CADPS: variants seen among roughly 807,000 people sequenced by gnomAD.
The protein encoded by CADPS is calcium-dependent secretion activator 1.
A neutral mutation model predicts 167.3 loss-of-function variants in CADPS; 57 were observed. That is an observed-to-expected ratio of 0.34 (90% confidence interval 0.28 to 0.42). CADPS has a LOEUF of 0.42. Ranked by LOEUF, CADPS falls within the 20% of genes least tolerant of loss-of-function variation. The pLI, the probability that CADPS is intolerant of heterozygous loss-of-function variation, is 1.00. For missense variants in CADPS, 1,414 were observed against 1,738.1 expected (o/e 0.81, Z 3.32); for synonymous variants, 676 against 635.3 (o/e 1.06, Z -0.96).
intron 6 of CADPS, among the ~76,000 whole-genome samples, chr3:62,620,792 C>T (rs527454538): frequency 1.3e-5 from 2 of 152,160 alleles, no homozygotes; most frequent in Non-Finnish European, 2.9e-5. Context: ...TTAGAGCTGG[C>T]CTCCACCACC....
chr3:62,501,755 A>G (rs1330316295), intron 17 of CADPS, among the ~76,000 whole-genome samples: 1 of 152,248 alleles, frequency 6.6e-6, no homozygotes, highest in Non-Finnish European at 1.5e-5. Context: ...AAAAAAGTCA[A>G]TAATTTTTAT....
At chr3:62,830,074 A>G (rs180691422) in intron 1 of CADPS, among the ~76,000 whole-genome samples, 3 of 152,270 alleles carry the variant, frequency 2.0e-5, no homozygotes, top group African/African-American at 4.8e-5. Context: ...TGCCCATGCC[A>G]TCCTGTGCTT....
chr3:62,714,269 A>C (rs564787706), intron 3 of CADPS, among the ~76,000 whole-genome samples: 8 of 152,344 alleles, frequency 5.3e-5, no homozygotes, highest in African/African-American at 1.9e-4. Context: ...CATTTTCATA[A>C]TAAAGGAATT....
intron 8 of CADPS, among the ~76,000 whole-genome samples, chr3:62,575,544 C>G (rs142364012): frequency 1.3e-5 from 2 of 152,112 alleles, no homozygotes; most frequent in Non-Finnish European, 2.9e-5. Context: ...TAAATACTTG[C>G]TATTAGATAT....
chr3:62,618,110 A>T (rs959122609), intron 6 of CADPS, among the ~76,000 whole-genome samples: 2 of 152,110 alleles, frequency 1.3e-5, no homozygotes, highest in African/African-American at 2.4e-5. Context: ...ATTTAGGCTG[A>T]AACCCCAGGG....
At chr3:62,633,130 C>T (rs2065617408) in intron 6 of CADPS, among the ~76,000 whole-genome samples, 1 of 152,140 alleles carries the variant, frequency 6.6e-6, no homozygotes, top group Non-Finnish European at 1.5e-5. Flanking sequence ...TAGAATGCAA[C>T]CTCCAGAGGG....
intron 3 of CADPS, among the ~76,000 whole-genome samples, chr3:62,698,720 C>A (rs1388727831): frequency 2.8e-5 from 4 of 143,614 alleles, no homozygotes; most frequent in East Asian, 4.0e-4. Flanking sequence ...CTTTCCTTTC[C>A]TCCCCACTTC....
At chr3:62,646,226 G>A (rs116800061) in intron 5 of CADPS, among the ~76,000 whole-genome samples, 12,211 of 149,136 alleles carry the variant, frequency 0.082, 578 homozygotes, top group South Asian at 0.15. Context: ...GTGCAATGGC[G>A]TGATCTCGGC....
At chr3:62,873,484 C>G (rs1196623480) in intron 1 of CADPS, among the ~76,000 whole-genome samples, 3 of 152,094 alleles carry the variant, frequency 2.0e-5, no homozygotes, top group Non-Finnish European at 4.4e-5. Context: ...AGAACGCTGA[C>G]TTTCTTCACT....
At chr3:62,419,269 G>C (rs1528196) in intron 28 of CADPS, among the ~76,000 whole-genome samples, 6,100 of 152,200 alleles carry the variant, frequency 0.04, 424 homozygotes, top group African/African-American at 0.14. Flanking sequence ...GGGCAGGTGT[G>C]CAGTTTGGGC....
chr3:62,536,877 G>A (rs998403475), intron 11 of CADPS, among the ~76,000 whole-genome samples: 4 of 152,016 alleles, frequency 2.6e-5, no homozygotes, highest in Admixed American at 6.6e-5. Flanking sequence ...CCGTAACTTC[G>A]CCTGCATTTC....
chr3:62,484,068 C>A (rs572742792), intron 21 of CADPS, among the ~76,000 whole-genome samples: 2 of 152,252 alleles, frequency 1.3e-5, no homozygotes, highest in East Asian at 3.9e-4. Context: ...AAAAATACTT[C>A]TATTAATCAA....
intron 3 of CADPS, among the ~76,000 whole-genome samples, chr3:62,725,785 C>T (rs2076643303): frequency 1.3e-5 from 2 of 151,800 alleles, no homozygotes; most frequent in Admixed American, 6.6e-5. Flanking sequence ...AGAGGAGTCA[C>T]CCTAACTCAT....
chr3:62,421,789 C>T lies in CADPS; in HGVS notation c.3777+16315G>A, dbSNP rs991122378. Among the ~76,000 whole-genome samples the T allele has an allele frequency of 3.3e-5, 5 of 152,136 alleles. No homozygotes were observed. Among genetic ancestry groups the T allele is most frequent in the Non-Finnish European group, 5.9e-5 (4 of 68,030 alleles). On this transcript the variant is annotated intron_variant, in intron 28 of 29. Transcript: ENST00000383710. The surrounding 1 kb of genome is among the most constrained non-coding windows in gnomAD (Gnocchi z 4.7). ...GTTCTTTCCTAGGGATGGAGGGATGCCCCGGGTCTGGGTTTTTTTGGAGTG... is the reference window on the plus strand; with the variant it reads ...GTTCTTTCCTAGGGATGGAGGGATGTCCCGGGTCTGGGTTTTTTTGGAGTG...
intron 5 of CADPS, among the ~76,000 whole-genome samples, chr3:62,646,161 CTTTT>C (rs35748758): frequency 1.5e-5 from 2 of 129,096 alleles, no homozygotes. Context: ...GGAATTGGCT[CTTTT>C]TTTTTTTTTT....
rs142505711 is a variant in CADPS, at chr3:62,607,913, A to G, written c.1326-15165T>C. Among the ~76,000 whole-genome samples the G allele has an allele frequency of 8.8e-4, 134 of 152,366 alleles. 1 individual carries two copies. The highest frequency in any genetic ancestry group is 3.2e-3 in the African/African-American group (132 of 41,598). ...TCAAAAGGAAATGATGAATGAGGCC[A>G]GCTGGCTAAATGCCCTTCAGTAAGG... On this transcript the variant is annotated intron_variant, in intron 6 of 29. Coordinates refer to ENST00000383710, the MANE Select transcript of CADPS (RefSeq NM_003716.4).
intron 6 of CADPS, among the ~76,000 whole-genome samples, chr3:62,629,518 G>A (rs957350495): frequency 1.4e-4 from 22 of 152,138 alleles, no homozygotes; most frequent in Admixed American, 3.3e-4. Context: ...AATCTGGGAC[G>A]CCATCACTCA....
rs1018786376 is a variant in CADPS, at chr3:62,412,644, C to T, written c.3778-9459G>A. On this transcript the variant is annotated intron_variant, in intron 28 of 29. Transcript: ENST00000383710. This position sits in a 1 kb window ranked among gnomAD's most constrained non-coding sequence, Gnocchi z 4.1. ...AATTCTTTAGCATCAAAATTTCTAA[C>T]GAATGATTAAAGGGATGAATCCACA... Among the ~76,000 whole-genome samples the T allele has an allele frequency of 6.6e-5, 10 of 152,142 alleles. No individual in the cohort carries two copies. The highest frequency in any genetic ancestry group is 1.9e-4 in the East Asian group (1 of 5,156).
chr3:62,813,061 G>C (rs1461045201), intron 1 of CADPS, among the ~76,000 whole-genome samples: 2 of 151,866 alleles, frequency 1.3e-5, no homozygotes, highest in Non-Finnish European at 2.9e-5. Context: ...CAGACTCAAT[G>C]CTATTTCTAT....
Sources: allele counts gnomAD v4.1 joint callset (sites outside exome capture counted in the v4.1 genomes callset), GRCh38; gene constraint gnomAD v4.1.1; non-coding constraint Gnocchi (gnomAD v3.1); transcripts MANE v1.5; gene names NCBI Gene and HGNC (gene_info 2026-07-23, HGNC 2026-07-21).